Variants in ANO2 observed in about 807,000 individuals in gnomAD.
ANO2 encodes the protein anoctamin-2.
In ANO2, 101 loss-of-function variants were observed where a neutral mutation model predicts 124.2. That is an observed-to-expected ratio of 0.81 (90% CI 0.69 to 0.96). The LOEUF is 0.96. Ranked by LOEUF, ANO2 falls within the 40% of genes least tolerant of loss-of-function variation. ANO2 has a pLI of 0.00. For synonymous variants in ANO2, 486 were observed against 482.5 expected (o/e 1.01, Z -0.09); for missense variants, 1,293 against 1,274.5 (o/e 1.01, Z -0.22).
At chr12:5,729,539 A>T (rs1393211295) in intron 14 of ANO2, among the ~76,000 whole-genome samples, 2 of 152,046 alleles carry the variant, frequency 1.3e-5, no homozygotes, top group African/African-American at 4.8e-5. Context: ...GATGCTGGAA[A>T]CCTCCTAAAT....
intron 1 of ANO2, among the ~76,000 whole-genome samples, chr12:5,938,325 T>C (rs1942743571): frequency 6.6e-6 from 1 of 152,220 alleles, no homozygotes; most frequent in Admixed American, 6.5e-5. Flanking sequence ...GGGCTAAATT[T>C]CTCTTCTTTC....
intron 3 of ANO2, among the ~76,000 whole-genome samples, chr12:5,909,115 C>G (rs115587096): frequency 0.011 from 1,733 of 152,300 alleles, 35 homozygotes; most frequent in African/African-American, 0.039. Context: ...AACGTACCAG[C>G]ATGCTTAATT....
At chr12:5,843,826 T>C (rs1222180507) in intron 4 of ANO2, among the ~76,000 whole-genome samples, 1 of 152,170 alleles carries the variant, frequency 6.6e-6, no homozygotes, top group African/African-American at 2.4e-5. Context: ...AATGGGTTAA[T>C]CAACCTGGTG....
chr12:5,697,931 C>T (rs183852728), intron 14 of ANO2, among the ~76,000 whole-genome samples: 2,009 of 152,310 alleles, frequency 0.013, 51 homozygotes, highest in African/African-American at 0.045. Flanking sequence ...ATTGCTGAGG[C>T]TTGAGTAGGT....
At chr12:5,821,839 T>A (rs2192185) in intron 7 of ANO2, among the ~76,000 whole-genome samples, 1 of 152,116 alleles carries the variant, frequency 6.6e-6, no homozygotes, top group Non-Finnish European at 1.5e-5. Flanking sequence ...ATATATGTGA[T>A]TGGGCTCAAG....
chr12:5,812,261 G>A (rs1374573718), intron 7 of ANO2, among the ~76,000 whole-genome samples: 1 of 136,536 alleles, frequency 7.3e-6, no homozygotes, highest in East Asian at 2.3e-4. Flanking sequence ...GGGGAAAGGA[G>A]GGAAGGAGAA....
At chr12:5,656,307 A>C (rs1333272896) in intron 14 of ANO2, among the ~76,000 whole-genome samples, 1 of 152,158 alleles carries the variant, frequency 6.6e-6, no homozygotes, top group Non-Finnish European at 1.5e-5. Flanking sequence ...TCTTCAGTGG[A>C]ATGTCCTAAG....
intron 20 of ANO2, chr12:5,584,077 C>T: frequency 4.0e-6 from 1 of 252,824 alleles, no homozygotes; most frequent in Admixed American, 4.3e-5. Context: ...ATTCAGAATC[C>T]AAACAAATAA....
At chr12:5,945,561 G>A (rs777556533), upstream of ANO2, among the ~76,000 whole-genome samples, 60 of 152,362 alleles carry the variant, frequency 3.9e-4, 1 homozygote, top group Middle Eastern at 3.4e-3. Context: ...CCCACAACCT[G>A]CTTCGAGTGT....
intron 20 of ANO2, chr12:5,584,048 A>G: frequency 3.8e-6 from 1 of 262,642 alleles, no homozygotes; most frequent in Non-Finnish European, 8.2e-6. Context: ...CACCAGATAA[A>G]GACTATTTCC....
Position 5,922,609 on chromosome 12 carries a change from C to CCCCTAAAAACA in ANO2, c.207+10_207+11insTGTTTTTAGGG. The CCCCTAAAAACA allele has an allele frequency of 6.5e-7, 1 of 1,530,960 alleles. No homozygotes were observed. The highest frequency in any genetic ancestry group is 8.8e-7 in the Non-Finnish European group (1 of 1,141,240). The allele number at this position is 1,530,960 out of a possible 1,614,324, so 94.8% of individuals were successfully genotyped here. On this transcript the variant is annotated intron_variant, in intron 2 of 24. Transcript: ENST00000682330. ...GCCTATCCCCCCACCCCACCCCCGC[C>CCCCTAAAAACA]CAGTACTCACAGAGCTGCTGCGGGT...
At chr12:5,843,821 G>A (rs1591684840) in intron 4 of ANO2, among the ~76,000 whole-genome samples, 1 of 152,296 alleles carries the variant, frequency 6.6e-6, no homozygotes, top group East Asian at 1.9e-4. Flanking sequence ...GCATCAATGG[G>A]TTAATCAACC....
At position 5,635,280 on chromosome 12, in the gene ANO2, G is replaced by C. The variant is rs770632937; in HGVS notation, c.1688C>G (p.Ser563Cys). Reference sequence around the variant, plus strand: ...ATTGGAGCGTGTAGCCTTATTGAGAGACAGAGCGGCTGCAGTTGTTATTCG... The same window carrying C: ...ATTGGAGCGTGTAGCCTTATTGAGACACAGAGCGGCTGCAGTTGTTATTCG... ...VYRITTAAAL[S>C]LNKATRSNVR... The change falls in exon 16 of 25, where the codon TCT (serine) becomes TGT (cysteine). Residue 563 changes from serine to cysteine, a missense_variant. By Grantham distance (112) the Ser-to-Cys change is moderately radical. Transcript: ENST00000682330. This position sits in a 1 kb window ranked among gnomAD's most constrained non-coding sequence, Gnocchi z 5.2. 4 of 1,611,026 alleles carry C rather than the reference G, an allele frequency of 2.5e-6. No individual in the cohort carries two copies. The highest frequency in any genetic ancestry group is 3.4e-6 in the Non-Finnish European group (4 of 1,179,230).
chr12:5,914,854 C>G (rs1394219568), intron 3 of ANO2, among the ~76,000 whole-genome samples: 1 of 152,136 alleles, frequency 6.6e-6, no homozygotes, highest in African/African-American at 2.4e-5. Context: ...GTTCTCAGAC[C>G]CCTCCCTCAG....
intron 14 of ANO2, among the ~76,000 whole-genome samples, chr12:5,660,974 A>C (rs1200508040): frequency 2.0e-5 from 3 of 152,250 alleles, no homozygotes; most frequent in Non-Finnish European, 4.4e-5. Flanking sequence ...AAAATGCAAA[A>C]GGTTCATAGC....
intron 3 of ANO2, among the ~76,000 whole-genome samples, chr12:5,859,419 C>T (rs1955200321): frequency 6.6e-6 from 1 of 152,206 alleles, no homozygotes; most frequent in South Asian, 2.1e-4. Context: ...CCTACAAACC[C>T]TACTTCTCTA....
chr12:5,604,654 T>C (rs1419318457), intron 19 of ANO2, among the ~76,000 whole-genome samples: 1 of 151,896 alleles, frequency 6.6e-6, no homozygotes, highest in Non-Finnish European at 1.5e-5. Flanking sequence ...TGTGGGTAGG[T>C]CAAAACAAAT....
At chr12:5,815,876 G>A (rs1308330237) in intron 7 of ANO2, among the ~76,000 whole-genome samples, 1 of 152,014 alleles carries the variant, frequency 6.6e-6, no homozygotes, top group Non-Finnish European at 1.5e-5. Flanking sequence ...TTGTATATAG[G>A]TTAAAGCTTT....
intron 14 of ANO2, among the ~76,000 whole-genome samples, chr12:5,677,375 T>C (rs1948294454): frequency 6.6e-6 from 1 of 152,278 alleles, no homozygotes; most frequent in South Asian, 2.1e-4. Flanking sequence ...AAAGGTAAAG[T>C]GGTGTTACCA....
Sources: gnomAD v4.1 joint callset for allele counts (sites outside exome capture counted in the v4.1 genomes callset) on GRCh38, gnomAD v4.1.1 for gene constraint, Gnocchi (gnomAD v3.1) non-coding constraint, MANE v1.5 for transcripts, NCBI Gene and HGNC (gene_info 2026-07-23, HGNC 2026-07-21) for gene names.